LRP5: variants seen among roughly 807,000 people sequenced by gnomAD.
The protein encoded by LRP5 is LDL receptor related protein 5.
LRP5 carries 62 observed loss-of-function variants against 154.1 expected under a neutral mutation model. The ratio of observed to expected loss-of-function variants is 0.40; its 90% CI spans 0.33 to 0.50. The LOEUF is 0.50. Ranked by LOEUF, LRP5 falls within the 20% of genes least tolerant of loss-of-function variation. The probability of loss-of-function intolerance (pLI) is 0.55; values close to 1 mark genes in which losing one functional copy is unlikely to be tolerated. For missense variants in LRP5, 1,915 were observed against 2,336.7 expected (o/e 0.82, Z 3.72); for synonymous variants, 966 against 1,011.5 (o/e 0.96, Z 0.85).
chr11:68,319,160 T>A (rs1327099374), intron 1 of LRP5, among the ~76,000 whole-genome samples: 1 of 150,968 alleles, frequency 6.6e-6, no homozygotes, highest in Non-Finnish European at 1.5e-5. Context: ...CACTGTAACT[T>A]CTGCCACCCT....
intron 9 of LRP5, among the ~76,000 whole-genome samples, chr11:68,409,208 T>C (rs1337767564): frequency 4.5e-5 from 4 of 88,380 alleles, no homozygotes; most frequent in Non-Finnish European, 9.2e-5. Flanking sequence ...TATTTATAAG[T>C]AAATATATAA....
At chr11:68,336,510 C>T (rs575814749) in intron 1 of LRP5, among the ~76,000 whole-genome samples, 1 of 151,724 alleles carries the variant, frequency 6.6e-6, no homozygotes, top group Non-Finnish European at 1.5e-5. Context: ...CTTTTGTCAC[C>T]CAGGCTGGAG....
intron 17 of LRP5, among the ~76,000 whole-genome samples, chr11:68,431,267 C>A (rs1483081810): frequency 8.9e-6 from 1 of 112,334 alleles, no homozygotes; most frequent in Admixed American, 1.2e-4. Context: ...GAGATGGAGT[C>A]TCGCTTTTTT....
chr11:68,384,715 G>C (rs2098642044), intron 5 of LRP5, among the ~76,000 whole-genome samples: 1 of 151,400 alleles, frequency 6.6e-6, no homozygotes, highest in Admixed American at 6.6e-5. Context: ...TGGAGCCTCG[G>C]GCCCTGGGGG....
intron 1 of LRP5, among the ~76,000 whole-genome samples, chr11:68,343,306 C>T (rs986470073): frequency 2.0e-5 from 3 of 152,130 alleles, no homozygotes; most frequent in African/African-American, 7.2e-5. Context: ...ACTCTCGGGC[C>T]GGAGCTGGGT....
At position 68,413,273 on chromosome 11, in the gene LRP5, A is replaced by G. The variant is rs1380670726; in HGVS notation, c.2504-416A>G. 2 of 347,644 alleles carry G rather than the reference A, an allele frequency of 5.8e-6. No individual in the cohort carries two copies. Among genetic ancestry groups the G allele is most frequent in the East Asian group, 5.0e-5 (1 of 20,128 alleles). The allele number at this position is 347,644 out of a possible 1,614,324, so 21.5% of individuals were successfully genotyped here. A position where few individuals can be genotyped will look rare whatever the true frequency, so the allele number is the denominator to read the frequency against. The stretch of plus-strand genomic sequence containing the variant: ...TGTGACCCTGCCAATGAGGGCGGCC[A>G]TGTGCATTGCAGCCTGGCCGTCACT... On this transcript the variant is annotated intron_variant, in intron 11 of 22. Transcript: ENST00000294304. The surrounding 1 kb of genome is among the most constrained non-coding windows in gnomAD (Gnocchi z 5.1).
chr11:68,390,139 G>C, intron 7 of LRP5, 87 bp downstream of exon 7: 18 of 1,461,230 alleles, frequency 1.2e-5, no homozygotes, highest in Non-Finnish European at 1.5e-5. Context: ...AGGCACCGAT[G>C]GGTGCCTGTG....
intron 7 of LRP5, among the ~76,000 whole-genome samples, chr11:68,392,360 C>T (rs557231410): frequency 2.0e-5 from 3 of 151,876 alleles, no homozygotes; most frequent in East Asian, 2.0e-4. Context: ...AAAAATTAGC[C>T]GGGCATGGTG....
In LRP5 at chr11:68,423,571, C is replaced by T; in HGVS notation, c.3110C>T (p.Thr1037Ile). Residue 1037 changes from threonine (T) to isoleucine (I), a missense_variant, in exon 14 of 23, where the codon ACA becomes ATA. Transcript: ENST00000294304. The surrounding 1 kb of genome is among the most constrained non-coding windows in gnomAD (Gnocchi z 4.7). Reference protein sequence around the residue: ...HDLSIDIYSRTLFWTCEATNT... With the variant: ...HDLSIDIYSRILFWTCEATNT... Reference sequence around the variant, plus strand: ...CTCAGCATCGACATCTACAGCCGGACACTGTTCTGGACGTGCGAGGCCACC... The same window carrying T: ...CTCAGCATCGACATCTACAGCCGGATACTGTTCTGGACGTGCGAGGCCACC... 6.2e-7 allele frequency: 1 copy of T among 1,614,250 alleles called. No individual in the cohort carries two copies. Among genetic ancestry groups the T allele is most frequent in the South Asian group, 1.1e-5 (1 of 91,088 alleles).
intron 1 of LRP5, among the ~76,000 whole-genome samples, chr11:68,340,235 CG>C (rs1177156572): frequency 6.6e-6 from 1 of 151,864 alleles, no homozygotes; most frequent in East Asian, 1.9e-4. Context: ...AGTGAAACTC[CG>C]TCTCAAAATA....
At chr11:68,395,818 T>C (rs368203995) in intron 7 of LRP5, among the ~76,000 whole-genome samples, 1 of 152,142 alleles carries the variant, frequency 6.6e-6, no homozygotes, top group East Asian at 1.9e-4. Flanking sequence ...CTCTGTGTTT[T>C]CTGCTGGAGT....
chr11:68,387,117 T>C (rs1034820349), intron 6 of LRP5, among the ~76,000 whole-genome samples: 1 of 148,078 alleles, frequency 6.8e-6, no homozygotes, highest in Non-Finnish European at 1.5e-5. Flanking sequence ...GCCTCTTTTT[T>C]TCTTTTTTTT....
chr11:68,447,117 T>C lies in LRP5; in HGVS notation c.4586+584T>C, dbSNP rs1345231899. The C allele has an allele frequency of 5.8e-6, 1 of 171,130 alleles. No homozygotes were observed. Among genetic ancestry groups the C allele is most frequent in the Non-Finnish European group, 1.3e-5 (1 of 78,692 alleles). 10.6% of individuals were successfully genotyped at this position (171,130 alleles called of 1,614,324 possible). ...GGGGTCACAGGCCCCACCTCCCTGG[T>C]TGGGGAGGGGCAACTGAGAGTGTGG... is the stretch of plus-strand genomic sequence containing the variant. On this transcript the variant is annotated intron_variant, in intron 22 of 22. Transcript: ENST00000294304. This position sits in a 1 kb window ranked among gnomAD's most constrained non-coding sequence, Gnocchi z 4.3.
At chr11:68,367,626 T>C (rs2098631786) in intron 5 of LRP5, among the ~76,000 whole-genome samples, 1 of 152,328 alleles carries the variant, frequency 6.6e-6, no homozygotes, top group East Asian at 1.9e-4. Flanking sequence ...AGCTGGACCC[T>C]GCGCTCTGCA....
chr11:68,335,389 T>C (rs1272464175), intron 1 of LRP5, among the ~76,000 whole-genome samples: 3 of 151,658 alleles, frequency 2.0e-5, no homozygotes, highest in Admixed American at 1.3e-4. Context: ...CCTTGTCTTA[T>C]GTGTGTTTCT....
upstream of LRP5, among the ~76,000 whole-genome samples, chr11:68,309,340 C>G (rs2098586259): frequency 6.6e-6 from 1 of 152,206 alleles, no homozygotes; most frequent in South Asian, 2.1e-4. Flanking sequence ...TCTAGCAACT[C>G]TCCTGCCTCA....
In LRP5 at chr11:68,403,513, A is replaced by G. The variant is rs759331617; in HGVS notation, c.1615A>G (p.Thr539Ala). 2.5e-6 allele frequency: 4 copies of G among 1,613,738 alleles called. No individual in the cohort carries two copies. In the African/African-American group the frequency reaches 5.3e-5, roughly 22 times the overall value. The change falls in exon 8 of 23, where the codon ACC (threonine) becomes GCC (alanine). Residue 539 changes from threonine to alanine, a missense_variant. By Grantham distance (58) the Thr-to-Ala change is moderately conservative. Transcript: ENST00000294304. ...CAATGTTGATGGGACGAAGAGGCGGACCCTCCTGGAGGACAAGCTCCCGCA... is the reference window on the plus strand; with the variant it reads ...CAATGTTGATGGGACGAAGAGGCGGGCCCTCCTGGAGGACAAGCTCCCGCA... ...VINVDGTKRR[T>A]LLEDKLPHIF... is the part of the protein sequence containing the mutation.
intron 1 of LRP5, among the ~76,000 whole-genome samples, chr11:68,317,677 G>A (rs1203888928): frequency 2.0e-5 from 3 of 152,254 alleles, no homozygotes; most frequent in Non-Finnish European, 4.4e-5. Flanking sequence ...CCCATGTGGT[G>A]GTCCCTGTGC....
rs754075645 is a variant in LRP5 at position 68,447,038 on chromosome 11, G to A, written c.4586+505G>A. On this transcript the variant is annotated intron_variant, in intron 22 of 22. Transcript: ENST00000294304. The surrounding 1 kb of genome is among the most constrained non-coding windows in gnomAD (Gnocchi z 4.3). ...TTGCCACAGTGGCCTGTTTGAGCCC[G>A]GGAAGCCAACGGGGCTGCTCAGCTG... 69 of 187,950 alleles carry A rather than the reference G, an allele frequency of 3.7e-4. No individual in the cohort carries two copies. Among genetic ancestry groups the A allele is most frequent in the Non-Finnish European group, 5.6e-4 (50 of 88,538 alleles). 11.6% of individuals were successfully genotyped at this position (187,950 alleles called of 1,614,324 possible). A position where few individuals can be genotyped will look rare whatever the true frequency, so the allele number is the denominator to read the frequency against.
Sources: allele counts gnomAD v4.1 joint callset (sites outside exome capture counted in the v4.1 genomes callset), GRCh38; gene constraint gnomAD v4.1.1; non-coding constraint Gnocchi (gnomAD v3.1); transcripts MANE v1.5; gene names NCBI Gene and HGNC (gene_info 2026-07-23, HGNC 2026-07-21).